Variants in NLGN1 observed in about 807,000 individuals in gnomAD.
The protein encoded by NLGN1 is neuroligin 1.
Under a neutral mutation model 65.5 loss-of-function variants are expected in NLGN1, and 12 were observed. That is an observed-to-expected ratio of 0.18 (90% CI 0.12 to 0.30). NLGN1 has a LOEUF of 0.30. NLGN1 is among the 10% of genes least tolerant of loss of function. The pLI is 1.00. For synonymous variants in NLGN1, 350 were observed against 359.5 expected (o/e 0.97, Z 0.30); for missense variants, 750 against 1,007.1 (o/e 0.74, Z 3.46).
rs116307241 is a variant in NLGN1, at chr3:174,002,412, G to A, written c.646+194580G>A. Among the ~76,000 whole-genome samples the A allele has an allele frequency of 4.5e-3, 690 of 152,270 alleles. 5 individuals are homozygous for A. The highest frequency in any genetic ancestry group is 0.016 in the African/African-American group (647 of 41,548). Reference sequence around the variant, plus strand: ...CAAACTGCCGGGATTATAGGTGTGAGCCACCATGCTCGGATTAAAATCAGT... The same window carrying A: ...CAAACTGCCGGGATTATAGGTGTGAACCACCATGCTCGGATTAAAATCAGT... On this transcript the variant is annotated intron_variant, in intron 4 of 6. Transcript: ENST00000457714.
In NLGN1 at chr3:173,739,613, G is replaced by A. The variant is rs542794913; in HGVS notation, c.494-68067G>A. ...TCTGATGTAAAAGACCTCAGGGAAA[G>A]GTTTCTAGAGAATCCATAATTAAAT... On this transcript the variant is annotated intron_variant, in intron 3 of 6. Transcript: ENST00000457714. Among the ~76,000 whole-genome samples the A allele has an allele frequency of 2.6e-5, 4 of 152,170 alleles. No individual in the cohort carries two copies. In the East Asian group the frequency reaches 7.8e-4, roughly 29 times the overall value.
At chr3:174,228,091 A>C (rs1223164396) in intron 4 of NLGN1, among the ~76,000 whole-genome samples, 2 of 151,882 alleles carry the variant, frequency 1.3e-5, no homozygotes, top group African/African-American at 4.8e-5. Flanking sequence ...TTTTACATTG[A>C]AATTGTTTAT....
At chr3:174,112,778 A>G (rs952074192) in intron 4 of NLGN1, among the ~76,000 whole-genome samples, 1 of 151,928 alleles carries the variant, frequency 6.6e-6, no homozygotes, top group Non-Finnish European at 1.5e-5. Flanking sequence ...AAATAAAAAT[A>G]TGATTTATTT....
intron 3 of NLGN1, among the ~76,000 whole-genome samples, chr3:173,776,202 C>G (rs1237304380): frequency 1.3e-5 from 2 of 151,946 alleles, no homozygotes; most frequent in African/African-American, 4.8e-5. Context: ...GGGTAATGAA[C>G]AAAAAAACTT....
At chr3:174,036,884 A>G (rs1731252692) in intron 4 of NLGN1, among the ~76,000 whole-genome samples, 1 of 152,124 alleles carries the variant, frequency 6.6e-6, no homozygotes, top group Non-Finnish European at 1.5e-5. Context: ...TAGTTTGCTG[A>G]AGACAATGGC....
intron 3 of NLGN1, among the ~76,000 whole-genome samples, chr3:173,610,050 G>A (rs796068217): frequency 1.4e-4 from 22 of 151,948 alleles, no homozygotes; most frequent in African/African-American, 5.3e-4. Context: ...ATTGAGAGTA[G>A]GTTGTAGGAG....
intron 3 of NLGN1, among the ~76,000 whole-genome samples, chr3:173,605,829 A>T (rs1751321110): frequency 1.3e-5 from 2 of 152,082 alleles, no homozygotes; most frequent in Admixed American, 1.3e-4. Context: ...CATCGGCAAG[A>T]GTTGAATCTT....
chr3:173,714,744 G>A (rs1295618081), intron 3 of NLGN1, among the ~76,000 whole-genome samples: 1 of 152,084 alleles, frequency 6.6e-6, no homozygotes, highest in Admixed American at 6.6e-5. Flanking sequence ...TGCCCAGAAT[G>A]TTTTGGGAAA....
intron 4 of NLGN1, among the ~76,000 whole-genome samples, chr3:174,035,701 G>A (rs1730981307): frequency 1.3e-5 from 2 of 152,144 alleles, no homozygotes; most frequent in African/African-American, 2.4e-5. Flanking sequence ...AGAGCTAGAG[G>A]GAGCATGGCT....
rs142922441 is a variant in NLGN1, at chr3:173,435,861, T to C, written c.-321+783T>C. Among the ~76,000 whole-genome samples, 1,187 of 152,144 alleles carry C rather than the reference T, an allele frequency of 7.8e-3. 16 individuals carry two copies. Among genetic ancestry groups the C allele is most frequent in the African/African-American group, 0.027 (1,108 of 41,512 alleles). On this transcript the variant is annotated intron_variant, in intron 2 of 6. Coordinates refer to ENST00000457714, the Ensembl canonical transcript of NLGN1. The stretch of plus-strand genomic sequence containing the variant: ...AGAAAAAAAATAAGAAAGAAAACTT[T>C]AGTAAAAGTCTATACGATGCATTTA...
chr3:173,563,912 A>ATGTATTCC (rs1253795636), intron 2 of NLGN1, among the ~76,000 whole-genome samples: 1 of 152,202 alleles, frequency 6.6e-6, no homozygotes, highest in Non-Finnish European at 1.5e-5. Context: ...ACAAAATAAA[A>ATGTATTCC]TGTATTCCTC....
intron 4 of NLGN1, among the ~76,000 whole-genome samples, chr3:173,886,543 T>C (rs4399918): frequency 0.17 from 25,826 of 152,024 alleles, 2,836 homozygotes; most frequent in East Asian, 0.44. Context: ...AAGCATCTGT[T>C]TGGTTCTCAG....
intron 4 of NLGN1, among the ~76,000 whole-genome samples, chr3:174,181,785 A>G (rs1189385971): frequency 6.8e-6 from 1 of 146,422 alleles, no homozygotes; most frequent in Non-Finnish European, 1.5e-5. Context: ...AAATACACAC[A>G]CACACACACA....
At position 174,280,777 on chromosome 3, in the gene NLGN1, C is replaced by G; in HGVS notation, c.1946C>G (p.Ala649Gly). 1 of 1,613,370 alleles carries G rather than the reference C, an allele frequency of 6.2e-7. No individual in the cohort carries two copies. Among genetic ancestry groups the G allele is most frequent in the Non-Finnish European group, 8.5e-7 (1 of 1,179,544 alleles). The change falls in exon 7 of 7, where the codon GCC (alanine) becomes GGC (glycine). Residue 649 changes from alanine (A) to glycine (G), a missense_variant. Transcript: ENST00000457714. This position sits in a 1 kb window ranked among gnomAD's most constrained non-coding sequence, Gnocchi z 4.9. ...AAAAATTCTGTACCTGTCACGTCAG[C>G]CTTTCCCACTGCCAAGCAGGATGAT... is the stretch of plus-strand genomic sequence containing the variant.
intron 4 of NLGN1, among the ~76,000 whole-genome samples, chr3:173,899,927 CAT>C (rs1737022287): frequency 1.3e-5 from 2 of 152,038 alleles, no homozygotes; most frequent in South Asian, 4.1e-4. Context: ...AATTATGAAA[CAT>C]GTAAACAAAG....
At chr3:173,400,230 A>T (rs895983784) in intron 1 of NLGN1, among the ~76,000 whole-genome samples, 1 of 152,192 alleles carries the variant, frequency 6.6e-6, no homozygotes, top group Non-Finnish European at 1.5e-5. Context: ...AAATCACCAA[A>T]GTCCAGTCTT....
intron 4 of NLGN1, among the ~76,000 whole-genome samples, chr3:173,934,652 G>A (rs755944879): frequency 2.0e-5 from 3 of 151,864 alleles, no homozygotes; most frequent in Non-Finnish European, 4.4e-5. Flanking sequence ...CTGAAAAACC[G>A]TATTCTGTAA....
At chr3:174,228,715 A>G (rs1369128326) in intron 4 of NLGN1, among the ~76,000 whole-genome samples, 1 of 152,090 alleles carries the variant, frequency 6.6e-6, no homozygotes. Flanking sequence ...CTTCCTTTTC[A>G]TAACTCTTCT....
intron 3 of NLGN1, 27 bp downstream of exon 3, chr3:173,605,620 TG>T (rs1430419961): frequency 2.5e-6 from 3 of 1,185,046 alleles, no homozygotes; most frequent in South Asian, 1.3e-5. Context: ...AAATTAAAAA[TG>T]GGGGAAAAAG....
Sources: gnomAD v4.1 joint callset for allele counts (sites outside exome capture counted in the v4.1 genomes callset) on GRCh38, gnomAD v4.1.1 for gene constraint, Gnocchi (gnomAD v3.1) non-coding constraint, MANE v1.5 for transcripts, NCBI Gene and HGNC (gene_info 2026-07-23, HGNC 2026-07-21) for gene names.